Variants in SYT10 observed in about 807,000 individuals in gnomAD.
SYT10 encodes synaptotagmin-10.
Under a neutral mutation model 51.1 loss-of-function variants are expected in SYT10, and 31 were observed. The ratio of observed to expected loss-of-function variants is 0.61; its 90% CI spans 0.46 to 0.82. The LOEUF (loss-of-function observed/expected upper bound fraction) is 0.82. Among genes scored for constraint, SYT10 ranks in the 40% least tolerant of loss-of-function variants. SYT10 has a pLI of 0.00. For synonymous variants in SYT10, 233 were observed against 225.9 expected (o/e 1.03, Z -0.28); for missense variants, 603 against 634.0 (o/e 0.95, Z 0.53).
intron 5 of SYT10, among the ~76,000 whole-genome samples, chr12:33,381,292 C>T (rs1591980327): frequency 1.3e-5 from 2 of 151,286 alleles, no homozygotes; most frequent in African/African-American, 2.4e-5. Flanking sequence ...TTCAGTGTTT[C>T]CCCCCCTAGC....
At position 33,407,313 on chromosome 12, in the gene SYT10, A is replaced by G. The variant is rs1177045273; in HGVS notation, c.553T>C (p.Ser185Pro). Residue 185 changes from serine to proline, a missense_variant, in exon 3 of 7, where the codon TCC becomes CCC. By Grantham distance (74) the Ser-to-Pro change is moderately conservative (BLOSUM62 -1). Transcript: ENST00000228567. Reference protein sequence around the residue: ...RRHLPRQMQVSSVDFSMGTEP... With the variant: ...RRHLPRQMQVPSVDFSMGTEP... ...GTGCCCATGCTAAAATCAACACTGG[A>G]AACCTGCATTTGCCTCGGCAGGTGT... 7 of 1,610,206 alleles carry G rather than the reference A, an allele frequency of 4.3e-6. No individual in the cohort carries two copies. Among genetic ancestry groups the G allele is most frequent in the Non-Finnish European group, 4.2e-6 (5 of 1,180,018 alleles).
chr12:33,426,579 G>A (rs980012080), intron 1 of SYT10, 84 bp from the exon 2 acceptor site: 35 of 1,153,308 alleles, frequency 3.0e-5, no homozygotes, highest in Non-Finnish European at 3.8e-5. Flanking sequence ...CATCATAATT[G>A]TTATTATTTC....
At chr12:33,377,908 G>A (rs1177159755) in intron 6 of SYT10, among the ~76,000 whole-genome samples, 4 of 152,080 alleles carry the variant, frequency 2.6e-5, no homozygotes, top group South Asian at 2.1e-4. Flanking sequence ...GATTACAGTC[G>A]TGAGCCACCG....
chr12:33,424,896 A>T (rs1215033194), intron 2 of SYT10, among the ~76,000 whole-genome samples: 1 of 152,098 alleles, frequency 6.6e-6, no homozygotes, highest in African/African-American at 2.4e-5. Context: ...GGCATTCCTT[A>T]GTTATAAAAT....
chr12:33,423,771 G>A (rs16921004), intron 2 of SYT10: 4,803 of 348,294 alleles, frequency 0.014, 212 homozygotes, highest in African/African-American at 0.092. Flanking sequence ...TCCCTTTGGC[G>A]TTTATGCTTA....
intron 1 of SYT10, 149 bp from the exon 2 acceptor site, chr12:33,426,644 T>C: frequency 1.3e-6 from 1 of 786,290 alleles, no homozygotes; most frequent in East Asian, 2.8e-5. Context: ...GAAGAAAAGG[T>C]TAATAATCAT....
intron 2 of SYT10, chr12:33,423,902 ATACT>A (rs1436531700): frequency 4.4e-6 from 2 of 454,578 alleles, no homozygotes; most frequent in African/African-American, 2.0e-5. Flanking sequence ...ATAATTAATA[ATACT>A]TACTTCATGC....
intron 1 of SYT10, among the ~76,000 whole-genome samples, chr12:33,436,625 GT>G (rs1866639726): frequency 6.6e-6 from 1 of 152,036 alleles, no homozygotes; most frequent in African/African-American, 2.4e-5. Flanking sequence ...AAAAATAATG[GT>G]GATACTTGCA....
chr12:33,385,163 G>A lies in SYT10; in HGVS notation c.1198+8C>T, dbSNP rs769506960. ...GTGCCCTTGGTCCTGTGGCCATTGT[G>A]TACATACCTGATGAGCCAGTAATAT... is the stretch of plus-strand genomic sequence containing the variant. On this transcript the variant is annotated splice_region_variant and intron_variant, in intron 4 of 6. Coordinates refer to ENST00000228567, the MANE Select transcript of SYT10 (RefSeq NM_198992.4). The A allele has an allele frequency of 2.5e-6, 4 of 1,613,140 alleles. No individual in the cohort carries two copies. Among genetic ancestry groups the A allele is most frequent in the Non-Finnish European group, 3.4e-6 (4 of 1,179,618 alleles).
Position 33,439,475 on chromosome 12 carries a change from A to T in SYT10, c.48T>A (p.Ala16=). 8 of 1,614,202 alleles carry T rather than the reference A, an allele frequency of 5.0e-6. No homozygotes were observed. Among genetic ancestry groups the T allele is most frequent in the Non-Finnish European group, 6.8e-6 (8 of 1,180,000 alleles). The change falls in exon 1 of 7, where the codon GCT becomes GCA. Residue 16 remains alanine (A), a synonymous_variant. Transcript: ENST00000228567. The part of the protein sequence containing the change: ...EDGVNSLCQK[A]LHIVTELCFA... Reference sequence around the variant, plus strand: ...AGCACAGCTCGGTGACGATGTGCAGAGCCTTCTGGCACAGACTGTTCACTC... The same window carrying T: ...AGCACAGCTCGGTGACGATGTGCAGTGCCTTCTGGCACAGACTGTTCACTC...
rs149690316 is a variant in SYT10 at position 33,432,397 on chromosome 12, C to T, written c.152-5902G>A. The T allele has an allele frequency of 1.9e-3, 284 of 152,096 alleles. 4 individuals are homozygous for T. Among genetic ancestry groups the T allele is most frequent in the African/African-American group, 5.5e-3 (230 of 41,514 alleles). 9.4% of individuals were successfully genotyped at this position (152,096 alleles called of 1,614,324 possible). A position where few individuals can be genotyped will look rare whatever the true frequency, so the allele number is the denominator to read the frequency against. On this transcript the variant is annotated intron_variant, in intron 1 of 6. Transcript: ENST00000228567. ...TTATAATTGGTGACTGTATATTACT[C>T]ATATATTTACATTAACTTGAACATC...
intron 1 of SYT10, among the ~76,000 whole-genome samples, chr12:33,439,167 G>A (rs1866662541): frequency 6.6e-6 from 1 of 152,264 alleles, no homozygotes; most frequent in Non-Finnish European, 1.5e-5. Context: ...GGAGAAGCCC[G>A]GCAGGTGGAC....
rs75511012 is a variant in SYT10 at position 33,415,352 on chromosome 12, C to T, written c.510-7996G>A. 6.6e-3 allele frequency among the ~76,000 whole-genome samples: 1,007 copies of T among 152,236 alleles called. 10 individuals carry two copies. The highest frequency in any genetic ancestry group is 0.022 in the African/African-American group (927 of 41,526). On this transcript the variant is annotated intron_variant, in intron 2 of 6. Coordinates refer to ENST00000228567, the MANE Select transcript of SYT10 (RefSeq NM_198992.4). ...CATATGCCATAATGGTTTTGACAAG[C>T]TCAAATCTAGGCTTCCTGGGGATGC...
chr12:33,432,044 A>T (rs1866601052), intron 1 of SYT10, among the ~76,000 whole-genome samples: 2 of 152,146 alleles, frequency 1.3e-5, no homozygotes, highest in African/African-American at 2.4e-5. Flanking sequence ...AATCAGACTC[A>T]GAATTTTAGT....
At chr12:33,378,248 T>TA (rs924420578) in intron 6 of SYT10, among the ~76,000 whole-genome samples, 2 of 152,168 alleles carry the variant, frequency 1.3e-5, no homozygotes, top group African/African-American at 4.8e-5. Context: ...TATATTCAGT[T>TA]ACGACAAAAA....
At chr12:33,437,849 A>T (rs1866650583) in intron 1 of SYT10, among the ~76,000 whole-genome samples, 1 of 152,106 alleles carries the variant, frequency 6.6e-6, no homozygotes, top group Admixed American at 6.5e-5. Flanking sequence ...ACATGCTCAC[A>T]CAGTGCCTTC....
At chr12:33,429,718 C>G (rs114522093) in intron 1 of SYT10, among the ~76,000 whole-genome samples, 1 of 152,092 alleles carries the variant, frequency 6.6e-6, no homozygotes, top group Non-Finnish European at 1.5e-5. Context: ...AGTTAATAGA[C>G]TGGAGTTTCT....
At chr12:33,423,800 G>A (rs1866525683) in intron 2 of SYT10, 5 of 374,770 alleles carry the variant, frequency 1.3e-5, no homozygotes, top group Non-Finnish European at 2.6e-5. Flanking sequence ...TCATCCATCT[G>A]GATAAATTTG....
chr12:33,407,305 A>C lies in SYT10; in HGVS notation c.561T>G (p.Val187=). 28 of 1,610,990 alleles carry C rather than the reference A, an allele frequency of 1.7e-5. No homozygotes were observed. The highest frequency in any genetic ancestry group is 2.4e-5 in the Non-Finnish European group (28 of 1,180,016). ...CAGGTTCTGTGCCCATGCTAAAATC[A>C]ACACTGGAAACCTGCATTTGCCTCG... ...HLPRQMQVSS[V]DFSMGTEPVL... The change falls in exon 3 of 7, where the codon GTT becomes GTG. Residue 187 remains valine (V), a synonymous_variant. Transcript: ENST00000228567.
Sources: gnomAD v4.1 joint callset for allele counts (sites outside exome capture counted in the v4.1 genomes callset) on GRCh38, gnomAD v4.1.1 for gene constraint, MANE v1.5 for transcripts, NCBI Gene and HGNC (gene_info 2026-07-23, HGNC 2026-07-21) for gene names.